The following ZSCAN5A variants were observed in gnomAD, a reference collection of about 807,000 sequenced individuals.
ZSCAN5A encodes the protein zinc finger and SCAN domain containing 5A, also known as zinc finger and SCAN domain-containing protein 5A.
ZSCAN5A carries 12 observed loss-of-function variants against 23.7 expected under a neutral mutation model. The observed-to-expected ratio is 0.51, with a 90% CI of 0.32 to 0.82. The LOEUF is 0.82. ZSCAN5A is among the 40% of genes least tolerant of loss of function. ZSCAN5A has a pLI of 0.03. For synonymous variants in ZSCAN5A, 257 were observed against 239.9 expected (o/e 1.07, Z -0.66); for missense variants, 597 against 617.9 (o/e 0.97, Z 0.36).
At chr19:56,256,850 A>G (rs78035673) in intron 2 of ZSCAN5A, among the ~76,000 whole-genome samples, 189 of 152,280 alleles carry the variant, frequency 1.2e-3, no homozygotes, top group African/African-American at 4.5e-3. Context: ...GAAGCACTGG[A>G]AAAATCCGGA....
At chr19:56,247,891 C>CT (rs2036059023) in intron 2 of ZSCAN5A, among the ~76,000 whole-genome samples, 1 of 151,926 alleles carries the variant, frequency 6.6e-6, no homozygotes, top group African/African-American at 2.4e-5. Flanking sequence ...CGTGGTTTCA[C>CT]CTGTTAGCCA....
At chr19:56,361,680 G>A (rs749164042) in intron 2 of ZSCAN5A, among the ~76,000 whole-genome samples, 23 of 152,092 alleles carry the variant, frequency 1.5e-4, no homozygotes, top group Non-Finnish European at 2.6e-4. Context: ...ACAGGGAGGG[G>A]AACACACACA....
chr19:56,300,745 C>T (rs563835614), intron 2 of ZSCAN5A, among the ~76,000 whole-genome samples: 3 of 151,992 alleles, frequency 2.0e-5, no homozygotes, highest in Admixed American at 2.0e-4. Context: ...TTTGCCTGTA[C>T]ACTGGTAATG....
chr19:56,358,990 C>T (rs531296812), intron 2 of ZSCAN5A, among the ~76,000 whole-genome samples: 30 of 152,078 alleles, frequency 2.0e-4, no homozygotes, highest in African/African-American at 7.0e-4. Flanking sequence ...CTCAAATGGA[C>T]ACCCTAACAT....
At chr19:56,314,412 C>G (rs1376686527) in intron 1 of ZSCAN5A, 1 of 152,222 alleles carries the variant, frequency 6.6e-6, no homozygotes, top group Non-Finnish European at 1.5e-5. Flanking sequence ...AAAGTCTCTG[C>G]GCACTTACTA....
chr19:56,343,990 C>T (rs977736847), intron 2 of ZSCAN5A, among the ~76,000 whole-genome samples: 1 of 152,214 alleles, frequency 6.6e-6, no homozygotes, highest in Admixed American at 6.5e-5. Flanking sequence ...CATCCCATTA[C>T]ATTTACCTAA....
Position 56,221,445 on chromosome 19 carries a change from G to A in ZSCAN5A, c.*130C>T, listed in dbSNP as rs376608225. The A allele has an allele frequency of 2.7e-6, 3 of 1,125,018 alleles. No individual in the cohort carries two copies. The highest frequency in any genetic ancestry group is 1.3e-6 in the Non-Finnish European group (1 of 797,814). 69.7% of individuals were successfully genotyped at this position (1,125,018 alleles called of 1,614,324 possible). The stretch of plus-strand genomic sequence containing the variant: ...GACACATATTTACTCAAACATCCTG[G>A]CAATTCATATCTAGGGCACTCCCTC... On this transcript the variant is annotated 3_prime_UTR_variant, in exon 6 of 6. Coordinates refer to ENST00000683990, the MANE Select transcript of ZSCAN5A (RefSeq NM_001322064.3).
At chr19:56,361,511 A>G (rs1467251717) in intron 2 of ZSCAN5A, among the ~76,000 whole-genome samples, 1 of 152,204 alleles carries the variant, frequency 6.6e-6, no homozygotes, top group Non-Finnish European at 1.5e-5. Context: ...TACACCATGG[A>G]GTACTATGCA....
chr19:56,244,069 G>A (rs60256367), intron 2 of ZSCAN5A: 3 of 1,143,168 alleles, frequency 2.6e-6, no homozygotes, highest in African/African-American at 1.5e-5. Flanking sequence ...ACTCCTCATG[G>A]GGTCAGGGAG....
At chr19:56,260,963 T>C (rs888688771) in intron 2 of ZSCAN5A, among the ~76,000 whole-genome samples, 12 of 152,072 alleles carry the variant, frequency 7.9e-5, no homozygotes, top group African/African-American at 2.9e-4. Context: ...ATCCCAACAC[T>C]TTGGGAGGCC....
At chr19:56,233,812 T>C (rs2034663544) in intron 2 of ZSCAN5A, among the ~76,000 whole-genome samples, 3 of 152,118 alleles carry the variant, frequency 2.0e-5, no homozygotes, top group Admixed American at 2.0e-4. Context: ...AGATGTGCAG[T>C]GTTTCAAGTG....
intron 2 of ZSCAN5A, among the ~76,000 whole-genome samples, chr19:56,273,490 T>C (rs1047694404): frequency 5.5e-5 from 7 of 127,012 alleles, no homozygotes; most frequent in African/African-American, 1.8e-4. Context: ...TTCATGGAAT[T>C]CTCATGCTAA....
intron 2 of ZSCAN5A, among the ~76,000 whole-genome samples, chr19:56,238,247 C>T (rs60924185): frequency 0.059 from 9,024 of 152,112 alleles, 529 homozygotes; most frequent in African/African-American, 0.15. Context: ...GAGGCTGAGG[C>T]AGGAGGATTA....
At chr19:56,294,027 C>A (rs1006468984) in intron 2 of ZSCAN5A, among the ~76,000 whole-genome samples, 3 of 152,210 alleles carry the variant, frequency 2.0e-5, no homozygotes, top group South Asian at 4.1e-4. Context: ...TTGCTCCTTT[C>A]GCTCCTTTTC....
intron 2 of ZSCAN5A, chr19:56,282,623 C>A: frequency 6.7e-6 from 3 of 450,112 alleles, no homozygotes; most frequent in South Asian, 9.5e-5. Context: ...CTTCTAATAG[C>A]GGAACTAGTA....
chr19:56,246,525 G>C, intron 2 of ZSCAN5A: 1 of 662,146 alleles, frequency 1.5e-6, no homozygotes, highest in Non-Finnish European at 2.7e-6. Flanking sequence ...GTGTGGGGCT[G>C]GGGTCCCAGC....
At chr19:56,319,762 C>A, upstream of ZSCAN5A, 1 of 751,924 alleles carries the variant, frequency 1.3e-6, no homozygotes. Context: ...TCGGGCCAGT[C>A]GCATCCTAAG....
chr19:56,288,172 G>A (rs1401305576), intron 2 of ZSCAN5A, among the ~76,000 whole-genome samples: 1 of 152,106 alleles, frequency 6.6e-6, no homozygotes, highest in Admixed American at 6.5e-5. Flanking sequence ...TGACCCACAG[G>A]GGTCTGCCTC....
chr19:56,234,189 C>T (rs2060933198), intron 2 of ZSCAN5A, among the ~76,000 whole-genome samples: 1 of 152,190 alleles, frequency 6.6e-6, no homozygotes, highest in Non-Finnish European at 1.5e-5. Context: ...AAACAAGAAG[C>T]ATGTTCCCAT....
Sources: gnomAD v4.1 joint callset for allele counts (sites outside exome capture counted in the v4.1 genomes callset) on GRCh38, gnomAD v4.1.1 for gene constraint, MANE v1.5 for transcripts, NCBI Gene and HGNC (gene_info 2026-07-23, HGNC 2026-07-21) for gene names.